The following NRG3 variants were observed in gnomAD, a reference collection of about 807,000 sequenced individuals.
NRG3 encodes the protein neuregulin 3, also known as pro-neuregulin-3, membrane-bound isoform.
In NRG3, 31 loss-of-function variants were observed where a neutral mutation model predicts 66.9. The observed-to-expected ratio is 0.46, with a 90% CI of 0.35 to 0.63. The LOEUF is 0.63. Ranked by LOEUF, NRG3 falls within the 20% of genes least tolerant of loss-of-function variation. The pLI, the probability that NRG3 is intolerant of heterozygous loss-of-function variation, is 0.00. For missense variants in NRG3, 910 were observed against 878.9 expected (o/e 1.04, Z -0.45); for synonymous variants, 393 against 359.4 (o/e 1.09, Z -1.06).
chr10:81,919,897 A>G (rs1260665677), intron 1 of NRG3, among the ~76,000 whole-genome samples: 1 of 152,176 alleles, frequency 6.6e-6, no homozygotes, highest in Non-Finnish European at 1.5e-5. Flanking sequence ...ATTGTGTTTT[A>G]TTCTTGGCAA....
At chr10:82,174,076 C>T (rs2072847667) in intron 1 of NRG3, among the ~76,000 whole-genome samples, 1 of 152,062 alleles carries the variant, frequency 6.6e-6, no homozygotes, top group African/African-American at 2.4e-5. Flanking sequence ...TCTAGCCCTC[C>T]CCAAGTCATT....
intron 1 of NRG3, among the ~76,000 whole-genome samples, chr10:82,353,844 T>C (rs1321878065): frequency 6.6e-6 from 1 of 151,986 alleles, no homozygotes; most frequent in East Asian, 1.9e-4. Context: ...TCCTTTCCAA[T>C]TGTTTTGCTT....
At chr10:82,092,752 TG>T (rs1298108260) in intron 1 of NRG3, among the ~76,000 whole-genome samples, 1 of 152,184 alleles carries the variant, frequency 6.6e-6, no homozygotes, top group African/African-American at 2.4e-5. Flanking sequence ...GGTTTCCATT[TG>T]GGGAAAAAGT....
Position 82,649,818 on chromosome 10 carries a change from T to C in NRG3, c.954-88759T>C, listed in dbSNP as rs2051266053. ...CACAGCCTTAAACTGCTAGAAGCTA[T>C]GCTAAAGTTAAGTCTCTTAGTGGTG... On this transcript the variant is annotated intron_variant, in intron 2 of 8. Transcript: ENST00000372141. Among the ~76,000 whole-genome samples, 3 of 152,256 alleles carry C rather than the reference T, an allele frequency of 2.0e-5. 1 individual carries two copies. In the South Asian group the frequency reaches 6.2e-4, roughly 32 times the overall value.
chr10:82,728,549 TA>T lies in NRG3; in HGVS notation c.954-10026del, dbSNP rs1365475363. On this transcript the variant is annotated intron_variant, in intron 2 of 8. Transcript: ENST00000372141. Reference sequence around the variant, plus strand: ...AGATCTCCTCAGCCATGTGGAACTGTAAGTCCATTAAACCTCTTTCTTTTGT... The same window carrying T: ...AGATCTCCTCAGCCATGTGGAACTGTAGTCCATTAAACCTCTTTCTTTTGT... 3.3e-5 allele frequency among the ~76,000 whole-genome samples: 5 copies of T among 152,320 alleles called. No individual in the cohort carries two copies. The South Asian group carries it at 1.0e-3, about 32-fold the overall frequency.
chr10:81,952,467 T>G (rs1239698674), intron 1 of NRG3, among the ~76,000 whole-genome samples: 2 of 151,954 alleles, frequency 1.3e-5, no homozygotes. Context: ...AGACCTCTTT[T>G]TTACCCCATG....
intron 1 of NRG3, among the ~76,000 whole-genome samples, chr10:81,998,471 G>A (rs1355273955): frequency 6.6e-6 from 1 of 152,150 alleles, no homozygotes. Flanking sequence ...CTGCTGTGTA[G>A]TGTGGACCAG....
At chr10:81,894,632 A>G (rs565296182) in intron 1 of NRG3, among the ~76,000 whole-genome samples, 1 of 152,210 alleles carries the variant, frequency 6.6e-6, no homozygotes, top group South Asian at 2.1e-4. Context: ...CTAATCAAAC[A>G]TAAAATAATT....
intron 1 of NRG3, among the ~76,000 whole-genome samples, chr10:82,209,714 A>G (rs922038887): frequency 3.3e-5 from 5 of 152,144 alleles, no homozygotes; most frequent in African/African-American, 1.2e-4. Flanking sequence ...ATGCTTAGGA[A>G]TGTACTTTTC....
intron 2 of NRG3, among the ~76,000 whole-genome samples, chr10:82,508,174 C>T (rs1041006788): frequency 3.3e-5 from 5 of 152,220 alleles, no homozygotes; most frequent in South Asian, 2.1e-4. Flanking sequence ...CCAATAGAGA[C>T]GATTAAAATG....
intron 3 of NRG3, among the ~76,000 whole-genome samples, chr10:82,806,063 CA>C (rs1308769977): frequency 2.0e-5 from 3 of 152,102 alleles, no homozygotes; most frequent in African/African-American, 7.2e-5. Flanking sequence ...TTCTTATGAA[CA>C]TTTAAGAAAT....
intron 2 of NRG3, among the ~76,000 whole-genome samples, chr10:82,605,067 C>T (rs562930513): frequency 6.6e-6 from 1 of 152,074 alleles, no homozygotes; most frequent in East Asian, 1.9e-4. Context: ...TAACTAGGAC[C>T]AGTACATTGT....
chr10:81,876,028 G>T lies in NRG3; in HGVS notation c.688G>T (p.Ala230Ser), dbSNP rs200553274. Residue 230 changes from alanine to serine, a missense_variant, in exon 1 of 9, where the codon GCT becomes TCT. Transcript: ENST00000372141. ...AMPSWPTAAY[A>S]TSSYLHDSTP... ...GCCCTCCTGGCCTACTGCGGCATACGCTACCTCCTCCTACCTTCACGATTC... is the reference window on the plus strand; with the variant it reads ...GCCCTCCTGGCCTACTGCGGCATACTCTACCTCCTCCTACCTTCACGATTC... 197 of 1,613,768 alleles carry T rather than the reference G, an allele frequency of 1.2e-4. 1 individual carries two copies. In the Middle Eastern group the frequency reaches 1.6e-3, roughly 13 times the overall value.
chr10:82,900,476 G>A (rs760443378), intron 4 of NRG3, among the ~76,000 whole-genome samples: 1 of 152,082 alleles, frequency 6.6e-6, no homozygotes, highest in Non-Finnish European at 1.5e-5. Flanking sequence ...CAGAATGTAT[G>A]ATGTATTGCC....
At chr10:82,278,249 G>A (rs2078952596) in intron 1 of NRG3, among the ~76,000 whole-genome samples, 1 of 151,964 alleles carries the variant, frequency 6.6e-6, no homozygotes, top group Non-Finnish European at 1.5e-5. Context: ...TCATTTGACT[G>A]CATGACACTA....
At chr10:82,910,978 G>A (rs535720042) in intron 4 of NRG3, among the ~76,000 whole-genome samples, 30 of 152,332 alleles carry the variant, frequency 2.0e-4, no homozygotes, top group Admixed American at 3.3e-4. Flanking sequence ...TTCTTGCACA[G>A]ATGGACTGAC....
chr10:82,156,798 A>T (rs2071222149), intron 1 of NRG3, among the ~76,000 whole-genome samples: 1 of 151,636 alleles, frequency 6.6e-6, no homozygotes, highest in South Asian at 2.1e-4. Context: ...GCTATTAATA[A>T]TATAGGTATG....
chr10:82,760,152 C>T (rs1260159773), intron 3 of NRG3, among the ~76,000 whole-genome samples: 3 of 152,056 alleles, frequency 2.0e-5, no homozygotes, highest in Admixed American at 2.0e-4. Context: ...AGCATGGGAA[C>T]CTTTTTGCCT....
chr10:82,057,976 T>C (rs1249468672), intron 1 of NRG3, among the ~76,000 whole-genome samples: 1 of 137,388 alleles, frequency 7.3e-6, no homozygotes, highest in Non-Finnish European at 1.5e-5. Context: ...TTCCTTTCTT[T>C]TTTTTTTTTT....
Sources: allele counts gnomAD v4.1 joint callset (sites outside exome capture counted in the v4.1 genomes callset), GRCh38; gene constraint gnomAD v4.1.1; transcripts MANE v1.5; gene names NCBI Gene and HGNC (gene_info 2026-07-23, HGNC 2026-07-21).